BZW2: variants seen among roughly 807,000 people sequenced by gnomAD.
The protein encoded by BZW2 is basic leucine zipper and W2 domains 2.
Under a neutral mutation model 53.2 loss-of-function variants are expected in BZW2, and 23 were observed. The observed-to-expected ratio is 0.43, with a 90% confidence interval of 0.31 to 0.61. The LOEUF (loss-of-function observed/expected upper bound fraction) is 0.61, where lower values mean the gene tolerates loss of function less well. BZW2 is among the 20% of genes least tolerant of loss of function. The pLI, the probability that BZW2 is intolerant of heterozygous loss-of-function variation, is 0.09. For missense variants in BZW2, 409 were observed against 503.1 expected (o/e 0.81, Z 1.79); for synonymous variants, 227 against 186.4 (o/e 1.22, Z -1.77).
At chr7:16,654,829 G>T (rs1219210717) in intron 1 of BZW2, among the ~76,000 whole-genome samples, 1 of 151,988 alleles carries the variant, frequency 6.6e-6, no homozygotes, top group African/African-American at 2.4e-5. Context: ...ATAAGCCACC[G>T]TGCCCAGCCT....
intron 9 of BZW2, 47 bp downstream of exon 9, chr7:16,697,108 G>C (rs760700726): frequency 8.7e-5 from 137 of 1,583,336 alleles, no homozygotes; most frequent in Admixed American, 2.4e-4. Context: ...GCAAACTGCA[G>C]CTTTTTTTGT....
At chr7:16,664,274 G>A (rs1314326233) in intron 1 of BZW2, among the ~76,000 whole-genome samples, 2 of 152,130 alleles carry the variant, frequency 1.3e-5, no homozygotes, top group African/African-American at 4.8e-5. Flanking sequence ...ACTCATGGAG[G>A]GTATAGACCC....
chr7:16,650,145 G>C (rs776996701), intron 1 of BZW2, among the ~76,000 whole-genome samples: 4 of 152,082 alleles, frequency 2.6e-5, no homozygotes, highest in Non-Finnish European at 4.4e-5. Context: ...GAACTGTCTT[G>C]TGAACAATGC....
chr7:16,691,330 C>G (rs1267897155), intron 7 of BZW2, among the ~76,000 whole-genome samples: 1 of 152,130 alleles, frequency 6.6e-6, no homozygotes. Flanking sequence ...TAAACAGAAG[C>G]AAAAGTCACA....
chr7:16,661,782 T>G (rs555155648), intron 1 of BZW2, among the ~76,000 whole-genome samples: 15 of 152,268 alleles, frequency 9.9e-5, no homozygotes, highest in African/African-American at 3.6e-4. Flanking sequence ...ACCATGGAAC[T>G]GTTCCATTTT....
chr7:16,704,129 TA>T (rs1783759912), intron 10 of BZW2, among the ~76,000 whole-genome samples: 1 of 152,206 alleles, frequency 6.6e-6, no homozygotes, highest in Non-Finnish European at 1.5e-5. Context: ...CCAATCTCCT[TA>T]AAAGACACTG....
At position 16,697,022 on chromosome 7, in the gene BZW2, G is replaced by A; in HGVS notation, c.930G>A (p.Lys310=). Residue 310 remains lysine, a synonymous_variant, in exon 9 of 12, where the codon AAG becomes AAA. Coordinates refer to ENST00000258761, the MANE Select transcript of BZW2 (RefSeq NM_014038.3). ...CIMNAVEWNK[K]EELVAEQALK... ...TGAACGCTGTTGAGTGGAACAAGAA[G>A]GAAGAACTTGTTGCAGAGCAGGCTC... is the stretch of plus-strand genomic sequence containing the variant. The A allele has an allele frequency of 1.9e-6, 3 of 1,614,156 alleles. No individual in the cohort carries two copies. The African/African-American group carries it at 4.0e-5, about 22-fold the overall frequency.
intron 6 of BZW2, among the ~76,000 whole-genome samples, chr7:16,689,457 C>G (rs1253702619): frequency 6.6e-6 from 1 of 152,050 alleles, no homozygotes; most frequent in African/African-American, 2.4e-5. Context: ...AGATGAAATA[C>G]ATATGAACCA....
chr7:16,702,191 T>C (rs1437018870), intron 10 of BZW2, among the ~76,000 whole-genome samples: 2 of 152,182 alleles, frequency 1.3e-5, no homozygotes, highest in Non-Finnish European at 2.9e-5. Context: ...AGGGAAAAAA[T>C]TGTCTGAATT....
intron 1 of BZW2, among the ~76,000 whole-genome samples, chr7:16,661,982 T>C (rs980418534): frequency 3.9e-5 from 6 of 152,160 alleles, no homozygotes; most frequent in Non-Finnish European, 1.5e-5. Context: ...ACTAACAGCC[T>C]TTGACATTGG....
intron 1 of BZW2, among the ~76,000 whole-genome samples, chr7:16,654,324 A>G (rs1171258835): frequency 7.9e-5 from 12 of 152,024 alleles, no homozygotes; most frequent in Admixed American, 4.6e-4. Flanking sequence ...TTCCTTCTCT[A>G]TAAGAGTTTC....
intron 1 of BZW2, 76 bp from the exon 2 acceptor site, chr7:16,665,361 C>G: frequency 5.1e-6 from 8 of 1,558,242 alleles, no homozygotes; most frequent in Non-Finnish European, 7.1e-6. Flanking sequence ...ATATGTTCAA[C>G]CAAACTTATT....
Position 16,689,783 on chromosome 7 carries a change from T to C in BZW2, c.542-14T>C, listed in dbSNP as rs1783244062. The stretch of plus-strand genomic sequence containing the variant: ...CTCGTAAAAGGAATGAAATTCTCTT[T>C]TGTTTTTCAACAGGCATTGCGGCCT... On this transcript the variant is annotated splice_polypyrimidine_tract_variant and intron_variant, in intron 6 of 11. Transcript: ENST00000258761. 1.3e-6 allele frequency: 2 copies of C among 1,590,048 alleles called. No homozygotes were observed. Among genetic ancestry groups the C allele is most frequent in the Admixed American group, 1.7e-5 (1 of 57,618 alleles).
chr7:16,687,464 C>G (rs563588295), intron 6 of BZW2: 1 of 152,140 alleles, frequency 6.6e-6, no homozygotes, highest in South Asian at 2.1e-4. Context: ...TGCCTGTAAT[C>G]CTAACACTTT....
chr7:16,703,894 T>C (rs1413036348), intron 10 of BZW2, among the ~76,000 whole-genome samples: 1 of 152,192 alleles, frequency 6.6e-6, no homozygotes, highest in Non-Finnish European at 1.5e-5. Flanking sequence ...ATGTCTATTT[T>C]GTCTTAATGT....
intron 10 of BZW2, among the ~76,000 whole-genome samples, chr7:16,698,431 T>C (rs1280727377): frequency 1.3e-5 from 2 of 152,208 alleles, no homozygotes; most frequent in Non-Finnish European, 2.9e-5. Flanking sequence ...GATGAACTGG[T>C]AATTGTTTCT....
In BZW2 at chr7:16,662,219, G is replaced by A. The variant is rs1433915743; in HGVS notation, c.-7-3218G>A. 2.0e-5 allele frequency: 3 copies of A among 152,120 alleles called. No homozygotes were observed. In the East Asian group the frequency reaches 5.8e-4, roughly 29 times the overall value. 9.4% of individuals were successfully genotyped at this position (152,120 alleles called of 1,614,324 possible). On this transcript the variant is annotated intron_variant, in intron 1 of 11. Coordinates refer to ENST00000258761, the MANE Select transcript of BZW2 (RefSeq NM_014038.3). ...GCTAAAGGATAGACACTCTTGGAGA[G>A]CAGAATATCTTTATTTAGTCTGTCA... is the stretch of plus-strand genomic sequence containing the variant.
intron 1 of BZW2, among the ~76,000 whole-genome samples, chr7:16,654,367 G>A (rs1782067339): frequency 6.6e-6 from 1 of 151,974 alleles, no homozygotes; most frequent in African/African-American, 2.4e-5. Context: ...TGGAACAGAT[G>A]ACTTTTAAAA....
intron 10 of BZW2, among the ~76,000 whole-genome samples, chr7:16,700,470 G>A (rs529663128): frequency 6.6e-6 from 1 of 152,320 alleles, no homozygotes; most frequent in East Asian, 1.9e-4. Flanking sequence ...CCTAGAGGGA[G>A]ACTTAGTAAA....
Sources: allele counts gnomAD v4.1 joint callset (sites outside exome capture counted in the v4.1 genomes callset), GRCh38; gene constraint gnomAD v4.1.1; transcripts MANE v1.5; gene names NCBI Gene and HGNC (gene_info 2026-07-23, HGNC 2026-07-21).